The following TBL1XR1 variants were observed in gnomAD, a reference collection of about 807,000 sequenced individuals.
TBL1XR1 encodes the protein F-box-like/WD repeat-containing protein TBL1XR1.
TBL1XR1 carries 5 observed loss-of-function variants against 66.9 expected under a neutral mutation model. That is an observed-to-expected ratio of 0.07 (90% CI 0.04 to 0.16). The LOEUF (loss-of-function observed/expected upper bound fraction) is 0.16. TBL1XR1 is among the 10% of genes least tolerant of loss of function. The pLI is 1.00. For synonymous variants in TBL1XR1, 210 were observed against 206.0 expected, an observed-to-expected ratio of 1.02 and a Z score of -0.17; for missense variants, 238 against 623.2, an observed-to-expected ratio of 0.38 and a Z score of 6.58.
rs3046468 is a variant in TBL1XR1, at chr3:177,054,045, CGTGTGTGT to C, written c.59-135_59-128del. 9,734 of 612,746 alleles carry C rather than the reference CGTGTGTGT, an allele frequency of 0.016. 41 individuals carry two copies. Among genetic ancestry groups the C allele is most frequent in the Non-Finnish European group, 0.02 (7,492 of 369,022 alleles). 38.0% of individuals were successfully genotyped at this position (612,746 alleles called of 1,614,324 possible). A position where few individuals can be genotyped will look rare whatever the true frequency, so the allele number is the denominator to read the frequency against. ...CCCATTTAAAATCCCAGACGAAGGTCGTGTGTGTGTGTGTGTGTGTGTGTGTGTGCGCG... is the reference window on the plus strand; with the variant it reads ...CCCATTTAAAATCCCAGACGAAGGTCGTGTGTGTGTGTGTGTGTGTGCGCG... On this transcript the variant is annotated intron_variant, in intron 3 of 15. Transcript: ENST00000457928.
chr3:177,029,025 C>T (rs1238371510), intron 14 of TBL1XR1, among the ~76,000 whole-genome samples: 4 of 149,008 alleles, frequency 2.7e-5, no homozygotes, highest in African/African-American at 9.9e-5. Context: ...TCCAAAGGGG[C>T]TAAAAAAATA....
At chr3:177,054,334 A>C (rs1717534651) in intron 3 of TBL1XR1, among the ~76,000 whole-genome samples, 1 of 152,126 alleles carries the variant, frequency 6.6e-6, no homozygotes, top group African/African-American at 2.4e-5. Flanking sequence ...ATTATATTTT[A>C]ATATTTTTTA....
At chr3:177,083,304 T>TC (rs879442808) in intron 2 of TBL1XR1, among the ~76,000 whole-genome samples, 1 of 150,296 alleles carries the variant, frequency 6.7e-6, no homozygotes, top group Non-Finnish European at 1.5e-5. Context: ...ATCCATCCCC[T>TC]CCAAATGTCT....
chr3:177,181,783 C>T (rs1734851265), intron 1 of TBL1XR1, among the ~76,000 whole-genome samples: 1 of 148,276 alleles, frequency 6.7e-6, no homozygotes, highest in African/African-American at 2.5e-5. Context: ...AGGCAAGAAT[C>T]ATATGCCAGT....
At chr3:177,149,025 AAAG>A (rs1730578141) in intron 1 of TBL1XR1, among the ~76,000 whole-genome samples, 1 of 152,026 alleles carries the variant, frequency 6.6e-6, no homozygotes, top group African/African-American at 2.4e-5. Context: ...AAAGAAAAGA[AAAG>A]AAAAAACTCC....
At chr3:177,166,160 G>T (rs1732795291) in intron 1 of TBL1XR1, among the ~76,000 whole-genome samples, 1 of 152,162 alleles carries the variant, frequency 6.6e-6, no homozygotes, top group Non-Finnish European at 1.5e-5. Context: ...GCCAAGGCAG[G>T]TGGATTGGCT....
rs138496060 is a variant in TBL1XR1, at chr3:177,062,682, T to C, written c.58+2238A>G. Among the ~76,000 whole-genome samples, 258 of 152,278 alleles carry C rather than the reference T, an allele frequency of 1.7e-3. 1 individual carries two copies. The highest frequency in any genetic ancestry group is 6.0e-3 in the African/African-American group (250 of 41,552). ...GTAAAGTCTAAAACTTTCTAAAGAA[T>C]ACACAAAGGACACCTAAGAACATAC... On this transcript the variant is annotated intron_variant, in intron 3 of 15. Transcript: ENST00000457928.
Position 177,156,610 on chromosome 3 carries a change from T to G in TBL1XR1, c.-122+40511A>C, listed in dbSNP as rs138374925. On this transcript the variant is annotated intron_variant, in intron 1 of 15. Transcript: ENST00000457928. ...ATATATAAAATTCTGACAAAACACT[T>G]GTGTCTGGAATATAAAAAAGAATGC... Among the ~76,000 whole-genome samples the G allele has an allele frequency of 2.1e-3, 322 of 151,416 alleles. 2 individuals carry two copies. Among genetic ancestry groups the G allele is most frequent in the African/African-American group, 7.5e-3 (310 of 41,296 alleles).
Position 177,022,532 on chromosome 3 carries a change from T to C in TBL1XR1, c.*2966A>G, listed in dbSNP as rs1348789535. The C allele has an allele frequency of 6.6e-6, 1 of 152,580 alleles. No homozygotes were observed. The highest frequency in any genetic ancestry group is 1.5e-5 in the Non-Finnish European group (1 of 67,976). 9.5% of individuals were successfully genotyped at this position (152,580 alleles called of 1,614,324 possible). A position where few individuals can be genotyped will look rare whatever the true frequency, so the allele number is the denominator to read the frequency against. On this transcript the variant is annotated 3_prime_UTR_variant, in exon 16 of 16. Transcript: ENST00000457928. ...TGTTGTTTAAAAGTGGCAGCTGCTC[T>C]TTCTTTATTCCATTTTAATCAATGA...
At chr3:177,125,298 T>TA (rs1260648702) in intron 1 of TBL1XR1, among the ~76,000 whole-genome samples, 1 of 151,778 alleles carries the variant, frequency 6.6e-6, no homozygotes, top group Non-Finnish European at 1.5e-5. Flanking sequence ...CATATGAAAA[T>TA]ACGCTCAACA....
chr3:177,131,848 C>T (rs367880969), intron 1 of TBL1XR1, among the ~76,000 whole-genome samples: 21 of 150,930 alleles, frequency 1.4e-4, no homozygotes, highest in African/African-American at 5.1e-4. Context: ...GAATTCATCA[C>T]ATCTTCCAAT....
At position 177,156,816 on chromosome 3, in the gene TBL1XR1, T is replaced by C. The variant is rs568682672; in HGVS notation, c.-122+40305A>G. 3.9e-5 allele frequency among the ~76,000 whole-genome samples: 6 copies of C among 152,160 alleles called. No individual in the cohort carries two copies. In the South Asian group the frequency reaches 1.2e-3, roughly 32 times the overall value. ...AAGCTGGAAGCAACACAAATATCCATCAACTGGGAATGGACAAAAAATTGT... is the reference window on the plus strand; with the variant it reads ...AAGCTGGAAGCAACACAAATATCCACCAACTGGGAATGGACAAAAAATTGT... On this transcript the variant is annotated intron_variant, in intron 1 of 15. Transcript: ENST00000457928.
At chr3:177,036,713 G>C (rs560321365) in intron 12 of TBL1XR1, among the ~76,000 whole-genome samples, 11 of 152,288 alleles carry the variant, frequency 7.2e-5, no homozygotes, top group African/African-American at 1.2e-4. Flanking sequence ...GACTTAAGAA[G>C]AACTGTCTAA....
chr3:177,196,947 C>T (rs1736941670), intron 1 of TBL1XR1, among the ~76,000 whole-genome samples, 174 bp downstream of exon 1: 1 of 151,806 alleles, frequency 6.6e-6, no homozygotes, highest in African/African-American at 2.4e-5. Flanking sequence ...CAAGTGCCCT[C>T]CCTGCCTTCC....
At chr3:177,102,896 A>T (rs1182893211) in intron 1 of TBL1XR1, among the ~76,000 whole-genome samples, 1 of 152,186 alleles carries the variant, frequency 6.6e-6, no homozygotes, top group Non-Finnish European at 1.5e-5. Flanking sequence ...ACAACCGCAT[A>T]GTGCCTTATT....
chr3:177,090,723 A>G (rs1051390778), intron 2 of TBL1XR1, among the ~76,000 whole-genome samples: 3 of 152,126 alleles, frequency 2.0e-5, no homozygotes, highest in African/African-American at 4.8e-5. Flanking sequence ...AGGCAAGAGA[A>G]TCACTTGAAG....
intron 2 of TBL1XR1, among the ~76,000 whole-genome samples, chr3:177,077,430 A>G (rs1269851283): frequency 6.6e-6 from 1 of 152,176 alleles, no homozygotes; most frequent in Non-Finnish European, 1.5e-5. Flanking sequence ...GTCCTTGAGG[A>G]AAAGGGAAAA....
chr3:177,183,047 A>G (rs1226932433), intron 1 of TBL1XR1, among the ~76,000 whole-genome samples: 1 of 152,200 alleles, frequency 6.6e-6, no homozygotes, highest in Admixed American at 6.5e-5. Context: ...TATGCCTTAC[A>G]AAATTGAGGC....
intron 3 of TBL1XR1, among the ~76,000 whole-genome samples, 156 bp from the exon 4 acceptor site, chr3:177,054,074 G>GTGCA (rs1717485264): frequency 1.0e-5 from 1 of 99,402 alleles, no homozygotes; most frequent in East Asian, 7.1e-4. Flanking sequence ...GTGTGTGTGT[G>GTGCA]CGCGCGCGTG....
Sources: allele counts gnomAD v4.1 joint callset (sites outside exome capture counted in the v4.1 genomes callset), GRCh38; gene constraint gnomAD v4.1.1; transcripts MANE v1.5; gene names NCBI Gene and HGNC (gene_info 2026-07-23, HGNC 2026-07-21).